Variants in GLI3 observed in about 807,000 individuals in gnomAD.
GLI3 encodes GLI family zinc finger 3.
Under a neutral mutation model 100.8 loss-of-function variants are expected in GLI3, and 20 were observed. The ratio of observed to expected loss-of-function variants is 0.20; its 90% CI spans 0.14 to 0.29. The LOEUF (loss-of-function observed/expected upper bound fraction) is 0.29. Ranked by LOEUF, GLI3 falls within the 10% of genes least tolerant of loss-of-function variation. The probability of loss-of-function intolerance (pLI) is 1.00; values close to 1 mark genes in which losing one functional copy is unlikely to be tolerated. For synonymous variants in GLI3, 938 were observed against 860.5 expected (o/e 1.09, Z -1.58); for missense variants, 2,040 against 2,128.5 (o/e 0.96, Z 0.82).
At chr7:42,164,621 G>C (rs1033127127) in intron 2 of GLI3, among the ~76,000 whole-genome samples, 2 of 151,830 alleles carry the variant, frequency 1.3e-5, no homozygotes, top group African/African-American at 4.8e-5. Flanking sequence ...ATGGGGTCAG[G>C]AGATCGAGAC....
intron 10 of GLI3, among the ~76,000 whole-genome samples, chr7:41,988,038 A>G (rs1175226560): frequency 2.6e-5 from 4 of 152,190 alleles, no homozygotes; most frequent in Admixed American, 2.0e-4. Flanking sequence ...GGTTGATGTT[A>G]TTTATATTAT....
At chr7:42,108,326 A>G (rs1322763655) in intron 3 of GLI3, among the ~76,000 whole-genome samples, 5 of 152,180 alleles carry the variant, frequency 3.3e-5, no homozygotes, top group Admixed American at 6.5e-5. Flanking sequence ...TAAAAATGAT[A>G]TGTTATGCCT....
At chr7:42,026,891 A>G (rs1270887608) in intron 7 of GLI3, among the ~76,000 whole-genome samples, 1 of 152,214 alleles carries the variant, frequency 6.6e-6, no homozygotes, top group African/African-American at 2.4e-5. Context: ...CATGCTTGTC[A>G]TATCACTCAT....
chr7:42,004,922 A>ACTGAG (rs1788408430), intron 10 of GLI3, among the ~76,000 whole-genome samples: 1 of 152,206 alleles, frequency 6.6e-6, no homozygotes, highest in South Asian at 2.1e-4. Flanking sequence ...GGTTTTAAAA[A>ACTGAG]TTATATCTGA....
chr7:42,000,200 A>G (rs1356812280), intron 10 of GLI3, among the ~76,000 whole-genome samples: 1 of 152,206 alleles, frequency 6.6e-6, no homozygotes, highest in South Asian at 2.1e-4. Context: ...GAATTCCAGA[A>G]ATATGCAGAA....
intron 3 of GLI3, among the ~76,000 whole-genome samples, chr7:42,127,090 C>A (rs1786152428): frequency 6.6e-6 from 1 of 152,224 alleles, no homozygotes; most frequent in African/African-American, 2.4e-5. Context: ...CACCAGCTTT[C>A]AACCACACAG....
chr7:42,133,699 G>A (rs1786352384), intron 3 of GLI3, among the ~76,000 whole-genome samples: 1 of 150,120 alleles, frequency 6.7e-6, no homozygotes, highest in African/African-American at 2.5e-5. Context: ...CTCATTATGA[G>A]AGAAACACTT....
intron 1 of GLI3, among the ~76,000 whole-genome samples, chr7:42,230,677 T>C (rs569916286): frequency 8.3e-4 from 127 of 152,322 alleles, no homozygotes; most frequent in Non-Finnish European, 1.4e-3. Context: ...ATGAGAAACA[T>C]TTGAGGGGAG....
rs1330014493 is a variant in GLI3, at chr7:41,966,791, C to T, written c.2432-150G>A. On this transcript the variant is annotated intron_variant, in intron 14 of 14. Transcript: ENST00000395925. This position sits in a 1 kb window ranked among gnomAD's most constrained non-coding sequence, Gnocchi z 5.8. Reference sequence around the variant, plus strand: ...CATTGCCTGCCTCACAACTACTCAGCTCTGCAGTGTAGCCCCAACACGGCC... The same window carrying T: ...CATTGCCTGCCTCACAACTACTCAGTTCTGCAGTGTAGCCCCAACACGGCC... 1.3e-6 allele frequency: 1 copy of T among 782,294 alleles called. No individual in the cohort carries two copies. Among genetic ancestry groups the T allele is most frequent in the Non-Finnish European group, 2.2e-6 (1 of 461,176 alleles). 48.5% of individuals were successfully genotyped at this position (782,294 alleles called of 1,614,324 possible).
intron 2 of GLI3, chr7:42,151,615 G>A (rs976485429): frequency 6.6e-6 from 1 of 152,142 alleles, no homozygotes; most frequent in Admixed American, 6.5e-5. Flanking sequence ...CCAAACACAA[G>A]GCAACTGTTC....
intron 4 of GLI3, among the ~76,000 whole-genome samples, chr7:42,052,691 AG>A (rs1784375931): frequency 6.6e-6 from 1 of 152,204 alleles, no homozygotes. Flanking sequence ...GAAAAAAAAA[AG>A]TCCAAATGGC....
chr7:42,025,212 A>T, intron 9 of GLI3, 52 bp downstream of exon 9: 1 of 1,216,672 alleles, frequency 8.2e-7, no homozygotes, highest in Non-Finnish European at 1.2e-6. Flanking sequence ...TGACCCAAAG[A>T]CACCAGTCTT....
At chr7:42,162,625 T>G (rs1787151861) in intron 2 of GLI3, among the ~76,000 whole-genome samples, 1 of 152,238 alleles carries the variant, frequency 6.6e-6, no homozygotes, top group Non-Finnish European at 1.5e-5. Context: ...ATCAAGGCTG[T>G]GTTACTGTGC....
chr7:42,077,076 G>A (rs1211746404), intron 3 of GLI3, among the ~76,000 whole-genome samples: 1 of 152,182 alleles, frequency 6.6e-6, no homozygotes, highest in African/African-American at 2.4e-5. Context: ...GGCAGAGCCT[G>A]GGACTGACTG....
intron 7 of GLI3, among the ~76,000 whole-genome samples, chr7:42,036,661 G>GT: frequency 6.6e-6 from 1 of 152,284 alleles, no homozygotes; most frequent in Middle Eastern, 3.4e-3. Context: ...GTTTAGAAAT[G>GT]TAAACATCAT....
Position 41,964,286 on chromosome 7 carries a change from ACTC to A in GLI3, c.*41_*43del, listed in dbSNP as rs766892607. ...AAACAAAGTCAGTTTAATCTCTTCA[ACTC>A]CTATTGATTTCCGTTGGTTGCAGTC... On this transcript the variant is annotated 3_prime_UTR_variant, in exon 15 of 15. Transcript: ENST00000395925. 139 of 1,573,208 alleles carry A rather than the reference ACTC, an allele frequency of 8.8e-5. No homozygotes were observed. The African/African-American group carries it at 1.7e-3, about 20-fold the overall frequency.
At chr7:42,219,559 G>A (rs574608772) in intron 2 of GLI3, among the ~76,000 whole-genome samples, 6 of 152,168 alleles carry the variant, frequency 3.9e-5, no homozygotes, top group Middle Eastern at 3.4e-3. Context: ...GTGGGTCTGC[G>A]TATGTTTAAA....
chr7:42,024,716 A>G (rs1193227443), intron 9 of GLI3, among the ~76,000 whole-genome samples: 1 of 151,966 alleles, frequency 6.6e-6, no homozygotes. Context: ...GAAATCCTAC[A>G]CTCTTCCTTT....
intron 11 of GLI3, chr7:41,977,969 T>G: frequency 1.8e-6 from 1 of 548,322 alleles, no homozygotes; most frequent in South Asian, 2.1e-5. Flanking sequence ...CCGCTCAATG[T>G]GGACAATGGG....
Sources: gnomAD v4.1 joint callset for allele counts (sites outside exome capture counted in the v4.1 genomes callset) on GRCh38, gnomAD v4.1.1 for gene constraint, Gnocchi (gnomAD v3.1) non-coding constraint, MANE v1.5 for transcripts, NCBI Gene and HGNC (gene_info 2026-07-23, HGNC 2026-07-21) for gene names.